CAMTA1: variants seen among roughly 807,000 people sequenced by gnomAD.
CAMTA1 encodes calmodulin-binding transcription activator 1.
Under a neutral mutation model 170.9 loss-of-function variants are expected in CAMTA1, and 27 were observed. The ratio of observed to expected loss-of-function variants is 0.16; its 90% CI spans 0.12 to 0.22. CAMTA1 has a LOEUF of 0.22. CAMTA1 is among the 10% of genes least tolerant of loss of function. The probability of loss-of-function intolerance (pLI) is 1.00; values close to 1 mark genes in which losing one functional copy is unlikely to be tolerated. For synonymous variants in CAMTA1, 833 were observed against 891.5 expected, an observed-to-expected ratio of 0.93 and a Z score of 1.17; for missense variants, 1,619 against 2,217.2, an observed-to-expected ratio of 0.73 and a Z score of 5.42.
chr1:6,818,946 TTTA>T (rs1261458369), intron 1 of CAMTA1, among the ~76,000 whole-genome samples: 4 of 152,030 alleles, frequency 2.6e-5, no homozygotes, highest in African/African-American at 4.8e-5. Flanking sequence ...TATTTATTTA[TTTA>T]TTATTATTAT....
At chr1:7,215,960 G>C (rs1246303960) in intron 4 of CAMTA1, among the ~76,000 whole-genome samples, 2 of 152,172 alleles carry the variant, frequency 1.3e-5, no homozygotes, top group Non-Finnish European at 2.9e-5. Flanking sequence ...AAGTATGACT[G>C]TATTAGTCTG....
intron 4 of CAMTA1, among the ~76,000 whole-genome samples, chr1:7,213,634 T>C (rs2149083920): frequency 6.6e-6 from 1 of 152,048 alleles, no homozygotes; most frequent in Admixed American, 6.5e-5. Flanking sequence ...ATACTTTAAG[T>C]TTTAGGGTAC....
intron 6 of CAMTA1, among the ~76,000 whole-genome samples, chr1:7,550,657 CCTCG>C (rs1318281237): frequency 6.6e-6 from 1 of 150,570 alleles, no homozygotes; most frequent in Non-Finnish European, 1.5e-5. Flanking sequence ...TACCTGGCCT[CCTCG>C]CAGCTGGCCC....
chr1:7,149,654 G>C (rs1646452110), intron 4 of CAMTA1, among the ~76,000 whole-genome samples: 6 of 152,166 alleles, frequency 3.9e-5, no homozygotes, highest in Admixed American at 3.9e-4. Flanking sequence ...CACACACTGA[G>C]AACAGGAAAC....
chr1:7,192,994 G>A (rs72641234), intron 4 of CAMTA1, among the ~76,000 whole-genome samples: 18,104 of 152,124 alleles, frequency 0.12, 1,351 homozygotes, highest in Middle Eastern at 0.2. Context: ...CTCATCCCAG[G>A]TGCCTAAACC....
chr1:6,930,234 C>T (rs781645274), intron 3 of CAMTA1, among the ~76,000 whole-genome samples: 26 of 152,114 alleles, frequency 1.7e-4, no homozygotes, highest in African/African-American at 2.7e-4. Flanking sequence ...ACTGTCGACT[C>T]GCCTGCCTGC....
intron 5 of CAMTA1, among the ~76,000 whole-genome samples, chr1:7,392,573 A>G (rs12753278): frequency 1.4e-5 from 1 of 71,940 alleles, no homozygotes; most frequent in Admixed American, 1.7e-4. Flanking sequence ...CATCTTTACA[A>G]TTTTTTTTTA....
rs1173283129 is a variant in CAMTA1, at chr1:7,634,305, T to C, written c.511-6095T>C. 6.6e-6 allele frequency among the ~76,000 whole-genome samples: 1 copy of C among 151,408 alleles called. No individual in the cohort carries two copies. The highest frequency in any genetic ancestry group is 6.6e-5 in the Admixed American group (1 of 15,204). ...GCAGAACTGGGTGATCGACTGGCCGTTGAGGGAGAGGGAGGGAAAATGAGA... is the reference window on the plus strand; with the variant it reads ...GCAGAACTGGGTGATCGACTGGCCGCTGAGGGAGAGGGAGGGAAAATGAGA... On this transcript the variant is annotated intron_variant, in intron 6 of 22. Transcript: ENST00000303635. This position sits in a 1 kb window ranked among gnomAD's most constrained non-coding sequence, Gnocchi z 6.2.
chr1:6,831,092 A>G (rs1369162075), intron 3 of CAMTA1, among the ~76,000 whole-genome samples: 2 of 152,182 alleles, frequency 1.3e-5, no homozygotes, highest in Admixed American at 1.3e-4. Context: ...TGCTGGGATT[A>G]CGGACGTGAG....
At position 7,768,679 on chromosome 1, in the gene CAMTA1, A is replaced by G. The variant is rs1207832473; in HGVS notation, c.*2188A>G. On this transcript the variant is annotated 3_prime_UTR_variant, in exon 23 of 23. Transcript: ENST00000303635. ...CTTTCTGCTTGTGATCAGCTTTGACAACAGTGACAGCCCCACAACTAGTAG... is the reference window on the plus strand; with the variant it reads ...CTTTCTGCTTGTGATCAGCTTTGACGACAGTGACAGCCCCACAACTAGTAG... The G allele has an allele frequency of 6.5e-6, 1 of 152,696 alleles. No homozygotes were observed. Among genetic ancestry groups the G allele is most frequent in the Middle Eastern group, 3.2e-3 (1 of 316 alleles). The allele number at this position is 152,696 out of a possible 1,614,324, so 9.5% of individuals were successfully genotyped here.
intron 7 of CAMTA1, among the ~76,000 whole-genome samples, chr1:7,654,340 AC>A (rs1238147904): frequency 3.3e-5 from 5 of 151,996 alleles, no homozygotes. Context: ...AGATTGCACC[AC>A]TGCACTCCAG....
At chr1:7,083,523 A>G (rs929617199) in intron 3 of CAMTA1, among the ~76,000 whole-genome samples, 2 of 152,124 alleles carry the variant, frequency 1.3e-5, no homozygotes. Context: ...AGGGACAGGA[A>G]TGTTCAGACG....
intron 1 of CAMTA1, among the ~76,000 whole-genome samples, chr1:6,804,371 C>T (rs955602671): frequency 6.6e-6 from 1 of 151,658 alleles, no homozygotes; most frequent in South Asian, 2.1e-4. Context: ...ATAAAATTAA[C>T]CCTTTTAAAA....
chr1:7,289,818 C>T (rs1672863078), intron 5 of CAMTA1, among the ~76,000 whole-genome samples: 1 of 152,144 alleles, frequency 6.6e-6, no homozygotes, highest in Non-Finnish European at 1.5e-5. Flanking sequence ...CCAGAATTGA[C>T]ACAAGACTGG....
intron 3 of CAMTA1, among the ~76,000 whole-genome samples, chr1:6,865,347 A>T (rs1666226288): frequency 6.6e-6 from 1 of 152,054 alleles, no homozygotes; most frequent in South Asian, 2.1e-4. Flanking sequence ...GTTACTGGGA[A>T]CCTGGGTCTG....
Position 6,951,525 on chromosome 1 carries a change from G to A in CAMTA1, c.234+126315G>A, listed in dbSNP as rs886501540. Reference sequence around the variant, plus strand: ...CTCCGTTTTCTCCTCCATAAAATGAGGGTTATAAGAAGCGTCTTTATCCCC... The same window carrying A: ...CTCCGTTTTCTCCTCCATAAAATGAAGGTTATAAGAAGCGTCTTTATCCCC... On this transcript the variant is annotated intron_variant, in intron 3 of 22. Transcript: ENST00000303635. 2.6e-5 allele frequency among the ~76,000 whole-genome samples: 4 copies of A among 152,180 alleles called. No individual in the cohort carries two copies. In the East Asian group the frequency reaches 5.8e-4, roughly 22 times the overall value.
chr1:7,222,677 T>C (rs1661004529), intron 4 of CAMTA1, among the ~76,000 whole-genome samples: 1 of 152,232 alleles, frequency 6.6e-6, no homozygotes, highest in Admixed American at 6.5e-5. Flanking sequence ...TGCCCAGAGC[T>C]GCCTCCTGGA....
intron 3 of CAMTA1, among the ~76,000 whole-genome samples, chr1:6,835,280 A>G (rs898416055): frequency 1.3e-5 from 2 of 152,172 alleles, no homozygotes; most frequent in Non-Finnish European, 2.9e-5. Flanking sequence ...AGTTGAGTGG[A>G]GTTTCTAGTT....
At chr1:7,493,088 A>G (rs2478275) in intron 6 of CAMTA1, among the ~76,000 whole-genome samples, 83,108 of 128,832 alleles carry the variant, frequency 0.65, 28,133 homozygotes, top group East Asian at 0.83. Context: ...TACAAACGTG[A>G]GCACACAACA....
Sources: gnomAD v4.1 joint callset for allele counts (sites outside exome capture counted in the v4.1 genomes callset) on GRCh38, gnomAD v4.1.1 for gene constraint, Gnocchi (gnomAD v3.1) non-coding constraint, MANE v1.5 for transcripts, NCBI Gene and HGNC (gene_info 2026-07-23, HGNC 2026-07-21) for gene names.